XKRX: variants seen among roughly 807,000 people sequenced by gnomAD.
The protein encoded by XKRX is XK related X-linked.
In XKRX, 11 loss-of-function variants were observed where a neutral mutation model predicts 22.4. That is an observed-to-expected ratio of 0.49 (90% CI 0.31 to 0.81). The LOEUF is 0.81. Ranked by LOEUF, XKRX falls within the 40% of genes least tolerant of loss-of-function variation. The probability of loss-of-function intolerance (pLI) is 0.05; values close to 1 mark genes in which losing one functional copy is unlikely to be tolerated. For synonymous variants in XKRX, 114 were observed against 132.2 expected (o/e 0.86, Z 0.94); for missense variants, 320 against 336.5 (o/e 0.95, Z 0.38).
chrX:100,906,960 G>A, the XKRX span, among the ~76,000 whole-genome samples: 1 of 111,388 alleles, frequency 9.0e-6, no homozygotes, highest in Non-Finnish European at 1.9e-5. Context: ...ATTACACCAG[G>A]CACACCTGGA....
the XKRX span, among the ~76,000 whole-genome samples, chrX:100,940,981 T>C: frequency 8.9e-6 from 1 of 111,902 alleles, no homozygotes; most frequent in Admixed American, 9.6e-5. Flanking sequence ...TCTTTTCTCC[T>C]ATCCACTGTA....
At chrX:100,924,005 G>GTTTTTTTTTTTT (rs10600680) in intron 1 of XKRX, among the ~76,000 whole-genome samples, 2 of 77,127 alleles carry the variant, frequency 2.6e-5, no homozygotes, top group African/African-American at 9.9e-5. Context: ...TCCGGCTAAG[G>GTTTTTTTTTTTT]TTTTTTTTTT....
At chrX:100,939,504 G>A in the XKRX span, among the ~76,000 whole-genome samples, 1,607 of 111,700 alleles carry the variant, frequency 0.014, 25 homozygotes, top group African/African-American at 0.05. Flanking sequence ...GTTGCTTCAG[G>A]CAGCTGACAA....
At chrX:100,900,727 AG>A in the XKRX span, among the ~76,000 whole-genome samples, 2 of 109,070 alleles carry the variant, frequency 1.8e-5, no homozygotes, top group South Asian at 4.1e-4. Context: ...CTTAAGGGGA[AG>A]GGGGGTTTGA....
chrX:100,937,095 G>A, the XKRX span, among the ~76,000 whole-genome samples: 4 of 108,555 alleles, frequency 3.7e-5, no homozygotes, highest in South Asian at 4.1e-4. Context: ...AGGGTCAAGC[G>A]ATTCTCTGCC....
At chrX:100,904,439 TG>T in the XKRX span, among the ~76,000 whole-genome samples, 1 of 112,668 alleles carries the variant, frequency 8.9e-6, no homozygotes, top group African/African-American at 3.2e-5. Flanking sequence ...ACATTGGATA[TG>T]ATGATGACCT....
chrX:100,908,956 G>A (rs1233803505), downstream of XKRX, among the ~76,000 whole-genome samples: 1 of 111,629 alleles, frequency 9.0e-6, no homozygotes, highest in East Asian at 2.8e-4. Flanking sequence ...CACTTCCCTT[G>A]GCCTGCTCTA....
At chrX:100,916,608 T>G (rs1337509700) in intron 2 of XKRX, among the ~76,000 whole-genome samples, 3 of 112,314 alleles carry the variant, frequency 2.7e-5, no homozygotes, top group Admixed American at 9.4e-5. Context: ...CTTTGATGTA[T>G]ATCTTCTTCA....
At chrX:100,900,965 T>G in the XKRX span, among the ~76,000 whole-genome samples, 3 of 109,821 alleles carry the variant, frequency 2.7e-5, no homozygotes, top group East Asian at 8.6e-4. Context: ...AATTTTTTTG[T>G]ATTTTTAGTA....
chrX:100,901,608 C>T, the XKRX span, among the ~76,000 whole-genome samples: 1 of 112,012 alleles, frequency 8.9e-6, no homozygotes, highest in Non-Finnish European at 1.9e-5. Context: ...CTTAACAGTA[C>T]TATCAACCAA....
At chrX:100,934,968 TGAGAGAGACA>T in the XKRX span, among the ~76,000 whole-genome samples, 788 of 109,049 alleles carry the variant, frequency 7.2e-3, no homozygotes, top group Middle Eastern at 9.7e-3. Flanking sequence ...AGAGTGTGTG[TGAGAGAGACA>T]GAGAGAGACA....
intron 1 of XKRX, among the ~76,000 whole-genome samples, chrX:100,926,083 T>G (rs1460566843): frequency 1.8e-5 from 2 of 111,819 alleles, no homozygotes; most frequent in Non-Finnish European, 3.8e-5. Context: ...CTCCTCAGTA[T>G]TTCTCTGAGA....
At chrX:100,903,041 A>G in the XKRX span, among the ~76,000 whole-genome samples, 1 of 108,665 alleles carries the variant, frequency 9.2e-6, no homozygotes, top group Admixed American at 1.0e-4. Context: ...GAGCCACCGC[A>G]CCTGGCCAAG....
chrX:100,910,861 TA>T, downstream of XKRX: 1 of 743,411 alleles, frequency 1.3e-6, no homozygotes. Flanking sequence ...AGCTTTACCA[TA>T]AACCGTGCCA....
chrX:100,898,203 TC>T, the XKRX span, among the ~76,000 whole-genome samples: 2 of 111,794 alleles, frequency 1.8e-5, no homozygotes, highest in Non-Finnish European at 3.8e-5. Flanking sequence ...AACTGAAGAC[TC>T]TGGCATTTAA....
chrX:100,911,529 A>T (rs2085407123), downstream of XKRX: 2 of 611,981 alleles, frequency 3.3e-6, no homozygotes, highest in Admixed American at 4.5e-5. Context: ...ACTACAAACC[A>T]ATTGAAAAAA....
the XKRX span, among the ~76,000 whole-genome samples, chrX:100,937,353 G>A: frequency 8.9e-6 from 1 of 111,732 alleles, no homozygotes; most frequent in Non-Finnish European, 1.9e-5. Flanking sequence ...GGAATTGCTA[G>A]TCAGCTCTTA....
the XKRX span, among the ~76,000 whole-genome samples, chrX:100,896,049 G>A: frequency 1.8e-5 from 2 of 111,701 alleles, no homozygotes; most frequent in Admixed American, 1.9e-4. Flanking sequence ...TCTGTGGGAT[G>A]AGTGGTGAGG....
chrX:100,927,650 AT>A (rs1042446351), intron 1 of XKRX, among the ~76,000 whole-genome samples: 2 of 109,056 alleles, frequency 1.8e-5, no homozygotes, highest in African/African-American at 6.7e-5. Context: ...GAAAAAAAAA[AT>A]TTTTTAAATA....
Sources: gnomAD v4.1 joint callset for allele counts (sites outside exome capture counted in the v4.1 genomes callset) on GRCh38, gnomAD v4.1.1 for gene constraint, MANE v1.5 for transcripts, NCBI Gene and HGNC (gene_info 2026-07-23, HGNC 2026-07-21) for gene names.